The following TSHR variants were observed in gnomAD, a reference collection of about 807,000 sequenced individuals.
The protein encoded by TSHR is thyrotropin receptor.
TSHR carries 51 observed loss-of-function variants against 64.1 expected under a neutral mutation model. The observed-to-expected ratio is 0.80, with a 90% CI of 0.64 to 1.01. The LOEUF (loss-of-function observed/expected upper bound fraction) is 1.01, where lower values mean the gene tolerates loss of function less well. TSHR is among the 50% of genes least tolerant of loss of function. The probability of loss-of-function intolerance (pLI) is 0.00; values close to 1 mark genes in which losing one functional copy is unlikely to be tolerated. For missense variants in TSHR, 877 were observed against 942.8 expected (o/e 0.93, Z 0.91); for synonymous variants, 361 against 361.9 (o/e 1.00, Z 0.03).
At chr14:81,121,145 G>A (rs1301928658) in intron 8 of TSHR, among the ~76,000 whole-genome samples, 1 of 151,352 alleles carries the variant, frequency 6.6e-6, no homozygotes, top group Non-Finnish European at 1.5e-5. Context: ...TGAATTTTCA[G>A]AATAAAAAGA....
chr14:81,070,083 A>G (rs919340876), intron 3 of TSHR, among the ~76,000 whole-genome samples: 1 of 152,148 alleles, frequency 6.6e-6, no homozygotes, highest in Non-Finnish European at 1.5e-5. Context: ...ATCAGTCTGA[A>G]GCATGGAGAG....
At chr14:81,073,221 T>C (rs1020878685) in intron 3 of TSHR, among the ~76,000 whole-genome samples, 5 of 150,708 alleles carry the variant, frequency 3.3e-5, no homozygotes, top group South Asian at 2.1e-4. Flanking sequence ...AAAGCAGAAA[T>C]TGGTAGAACT....
At chr14:81,073,805 A>G (rs970234817) in intron 3 of TSHR, among the ~76,000 whole-genome samples, 2 of 152,164 alleles carry the variant, frequency 1.3e-5, no homozygotes, top group Non-Finnish European at 2.9e-5. Flanking sequence ...CAAAGAAAGT[A>G]AAATAACACT....
Position 81,146,166 on chromosome 14 carries a change from T to A in TSHR, c.*1813T>A, listed in dbSNP as rs58832257. The A allele has an allele frequency of 0.019, 4,237 of 225,768 alleles. 178 individuals carry two copies. Among genetic ancestry groups the A allele is most frequent in the African/African-American group, 0.086 (3,865 of 45,054 alleles). The allele number at this position is 225,768 out of a possible 1,614,324, so 14.0% of individuals were successfully genotyped here. On this transcript the variant is annotated 3_prime_UTR_variant, in exon 10 of 10. Coordinates refer to ENST00000298171, the MANE Select transcript of TSHR (RefSeq NM_000369.5). The stretch of plus-strand genomic sequence containing the variant: ...GACATTTCAAAATATCACATCTTGA[T>A]AAATAATGTGTTTCATCTTGAATAG...
intron 1 of TSHR, among the ~76,000 whole-genome samples, chr14:80,964,470 G>C (rs1390461573): frequency 6.6e-6 from 1 of 152,172 alleles, no homozygotes; most frequent in Admixed American, 6.5e-5. Flanking sequence ...TTTGTCCAGA[G>C]CTGAGAAATT....
At chr14:81,114,761 C>G (rs10134025) in intron 8 of TSHR, among the ~76,000 whole-genome samples, 1 of 152,048 alleles carries the variant, frequency 6.6e-6, no homozygotes, top group African/African-American at 2.4e-5. Context: ...CAGTAACCTC[C>G]GCAGACTTAA....
rs776526519 is a variant in TSHR at position 81,143,986 on chromosome 14, AT to A, written c.1929del (p.Tyr643Ter). On this transcript the variant is annotated frameshift_variant, in exon 10 of 10. Transcript: ENST00000298171. LOFTEE classifies it high-confidence loss of function. Reference sequence around the variant, plus strand: ...ATATGCATGGCCCCAATCTCATTCTATGCTCTGTCAGCAATTCTGAACAAGC... The same window carrying A: ...ATATGCATGGCCCCAATCTCATTCTAGCTCTGTCAGCAATTCTGAACAAGC... Reference protein sequence around the residue: ...DFICMAPISFYALSAILNKPL... With the variant: ...DFICMAPISFXALSAILNKPL... 2 of 1,614,056 alleles carry A rather than the reference AT, an allele frequency of 1.2e-6. No homozygotes were observed. Among genetic ancestry groups the A allele is most frequent in the African/African-American group, 2.7e-5 (2 of 74,918 alleles).
chr14:81,075,461 T>C (rs1384107096), intron 3 of TSHR, among the ~76,000 whole-genome samples: 1 of 152,238 alleles, frequency 6.6e-6, no homozygotes, highest in Non-Finnish European at 1.5e-5. Flanking sequence ...ACAGTATGTT[T>C]AACACAGTTA....
At chr14:81,013,804 T>C (rs962385222) in intron 1 of TSHR, 5 of 152,226 alleles carry the variant, frequency 3.3e-5, no homozygotes, top group Non-Finnish European at 7.3e-5. Flanking sequence ...TTTAGAGTTC[T>C]AGAAAACATT....
intron 3 of TSHR, among the ~76,000 whole-genome samples, chr14:81,073,163 T>C (rs1462961292): frequency 3.3e-5 from 5 of 150,180 alleles, no homozygotes; most frequent in East Asian, 1.9e-4. Context: ...ATATAAGATA[T>C]AGTGATTCTA....
chr14:81,072,572 T>G (rs1887154133), intron 3 of TSHR, among the ~76,000 whole-genome samples: 1 of 152,078 alleles, frequency 6.6e-6, no homozygotes, highest in African/African-American at 2.4e-5. Context: ...ATAGAGAGTT[T>G]CTGGAATAAA....
chr14:81,112,444 T>G (rs1419651070), intron 8 of TSHR, among the ~76,000 whole-genome samples: 1 of 152,134 alleles, frequency 6.6e-6, no homozygotes, highest in Non-Finnish European at 1.5e-5. Context: ...ATCTTCTCCT[T>G]TGGTTAAATC....
At chr14:80,992,368 G>A (rs1473203746) in intron 1 of TSHR, 1 of 130,534 alleles carries the variant, frequency 7.7e-6, no homozygotes, top group Non-Finnish European at 1.5e-5. Flanking sequence ...CCACTGCACA[G>A]AGAGACTGGC....
intron 1 of TSHR, among the ~76,000 whole-genome samples, chr14:81,020,376 C>A (rs1343159582): frequency 6.6e-6 from 1 of 152,196 alleles, no homozygotes; most frequent in Admixed American, 6.5e-5. Flanking sequence ...AGCAAAGCTT[C>A]ATCTGTATTT....
chr14:81,048,395 G>T (rs1330920948), intron 1 of TSHR, among the ~76,000 whole-genome samples: 2 of 152,042 alleles, frequency 1.3e-5, no homozygotes, highest in South Asian at 4.1e-4. Flanking sequence ...ATCTACATGG[G>T]CTTTCTTCTG....
intron 6 of TSHR, among the ~76,000 whole-genome samples, chr14:81,094,578 C>G (rs1465425813): frequency 6.6e-6 from 1 of 151,438 alleles, no homozygotes; most frequent in African/African-American, 2.4e-5. Context: ...ACAAACACAT[C>G]AACAATGACA....
intron 1 of TSHR, among the ~76,000 whole-genome samples, chr14:81,044,615 G>T (rs146879563): frequency 6.2e-5 from 9 of 146,128 alleles, no homozygotes; most frequent in Admixed American, 4.8e-4. Flanking sequence ...CCGAGATTGC[G>T]CCACTGCACT....
chr14:81,096,836 G>A, intron 7 of TSHR, 129 bp downstream of exon 7: 2 of 1,041,418 alleles, frequency 1.9e-6, no homozygotes, highest in Non-Finnish European at 1.4e-6. Flanking sequence ...TGACCAACAT[G>A]GAAATGAGGT....
chr14:81,077,011 G>A (rs1219244647), intron 3 of TSHR, among the ~76,000 whole-genome samples: 2 of 151,958 alleles, frequency 1.3e-5, no homozygotes, highest in Non-Finnish European at 2.9e-5. Context: ...TTTTGCCTCT[G>A]CCTAGACATT....
Sources: allele counts gnomAD v4.1 joint callset (sites outside exome capture counted in the v4.1 genomes callset), GRCh38; gene constraint gnomAD v4.1.1; transcripts MANE v1.5; gene names NCBI Gene and HGNC (gene_info 2026-07-23, HGNC 2026-07-21).